The following ADAMTS17 variants were observed in gnomAD, a reference collection of about 807,000 sequenced individuals.
The protein encoded by ADAMTS17 is ADAM metallopeptidase with thrombospondin type 1 motif 17.
ADAMTS17 carries 113 observed loss-of-function variants against 141.5 expected under a neutral mutation model. The observed-to-expected ratio is 0.80, with a 90% CI of 0.69 to 0.93. ADAMTS17 has a LOEUF of 0.93. Among genes scored for constraint, ADAMTS17 ranks in the 40% least tolerant of loss-of-function variants. ADAMTS17 has a pLI of 0.00. For missense variants in ADAMTS17, 1,659 were observed against 1,517.9 expected, an observed-to-expected ratio of 1.09 and a Z score of -1.54; for synonymous variants, 768 against 630.6, an observed-to-expected ratio of 1.22 and a Z score of -3.27.
intron 3 of ADAMTS17, among the ~76,000 whole-genome samples, chr15:100,298,384 T>C (rs2044900019): frequency 1.3e-5 from 2 of 152,084 alleles, no homozygotes; most frequent in Non-Finnish European, 2.9e-5. Flanking sequence ...AAAGGACAAC[T>C]GTCGCTCTGC....
At chr15:100,254,025 C>T in intron 7 of ADAMTS17, 111 bp downstream of exon 7, 3 of 1,017,126 alleles carry the variant, frequency 2.9e-6, no homozygotes, top group South Asian at 2.7e-5. Flanking sequence ...AGGAAGGCAA[C>T]AGAATGTGCA....
intron 15 of ADAMTS17, among the ~76,000 whole-genome samples, chr15:100,087,303 C>A (rs2035171476): frequency 6.6e-6 from 1 of 152,202 alleles, no homozygotes; most frequent in South Asian, 2.1e-4. Context: ...AGTTGAATCT[C>A]TGAATAGACC....
intron 16 of ADAMTS17, among the ~76,000 whole-genome samples, chr15:100,052,716 G>A (rs1024175895): frequency 2.0e-5 from 3 of 152,210 alleles, no homozygotes; most frequent in African/African-American, 4.8e-5. Flanking sequence ...ACTGTGACTA[G>A]GGAACAATCT....
intron 2 of ADAMTS17, among the ~76,000 whole-genome samples, chr15:100,332,736 C>T (rs756842815): frequency 1.6e-4 from 25 of 152,216 alleles, no homozygotes; most frequent in Non-Finnish European, 3.2e-4. Context: ...GAAGGTTTTT[C>T]TTTACAATTC....
chr15:100,193,034 G>C (rs904550415), intron 8 of ADAMTS17, among the ~76,000 whole-genome samples: 9 of 152,248 alleles, frequency 5.9e-5, no homozygotes, highest in African/African-American at 2.2e-4. Flanking sequence ...CCTTGGCACA[G>C]CATCACATCT....
intron 7 of ADAMTS17, among the ~76,000 whole-genome samples, chr15:100,211,086 C>T (rs972611763): frequency 2.2e-5 from 3 of 138,072 alleles, no homozygotes; most frequent in South Asian, 2.3e-4. Flanking sequence ...GGTGATAGAG[C>T]GAGACTCAGT....
At position 100,007,562 on chromosome 15, in the gene ADAMTS17, A is replaced by C. The variant is rs149238130; in HGVS notation, c.2592-9973T>G. ...CAGCCTCCCTGGTTGGAAGACTCTT[A>C]AAGGGTGGAGATGACAGCGTCTTTG... On this transcript the variant is annotated intron_variant, in intron 18 of 21. Transcript: ENST00000268070. Among the ~76,000 whole-genome samples the C allele has an allele frequency of 1.6e-3, 243 of 152,084 alleles. 1 individual carries two copies. Among genetic ancestry groups the C allele is most frequent in the African/African-American group, 5.5e-3 (229 of 41,484 alleles).
chr15:100,233,515 T>G (rs2042556073), intron 7 of ADAMTS17, among the ~76,000 whole-genome samples: 1 of 152,118 alleles, frequency 6.6e-6, no homozygotes, highest in South Asian at 2.1e-4. Context: ...AAAATATGTT[T>G]AAATGTTTTG....
At chr15:100,162,976 A>T (rs28665755) in intron 8 of ADAMTS17, among the ~76,000 whole-genome samples, 6 of 140,772 alleles carry the variant, frequency 4.3e-5, no homozygotes, top group Non-Finnish European at 6.0e-5. Context: ...ATGTATATAT[A>T]TGTGTATATA....
chr15:100,164,710 C>A (rs1286779637), intron 8 of ADAMTS17, among the ~76,000 whole-genome samples: 2 of 152,082 alleles, frequency 1.3e-5, no homozygotes, highest in Non-Finnish European at 2.9e-5. Flanking sequence ...AGGAAAAGTT[C>A]CCACCCCACT....
intron 7 of ADAMTS17, among the ~76,000 whole-genome samples, chr15:100,210,300 G>A (rs374915568): frequency 1.2e-3 from 188 of 150,908 alleles, no homozygotes; most frequent in African/African-American, 4.4e-3. Flanking sequence ...ATGAGGCAGC[G>A]GCTGCTGATC....
At chr15:100,266,845 T>C (rs2043732072) in intron 4 of ADAMTS17, among the ~76,000 whole-genome samples, 1 of 152,164 alleles carries the variant, frequency 6.6e-6, no homozygotes, top group South Asian at 2.1e-4. Flanking sequence ...TGTTGAATGC[T>C]GTCTGTCGTT....
At chr15:100,083,797 G>A (rs1227186102) in intron 15 of ADAMTS17, among the ~76,000 whole-genome samples, 1 of 150,926 alleles carries the variant, frequency 6.6e-6, no homozygotes, top group Non-Finnish European at 1.5e-5. Context: ...AGTGATGCTG[G>A]CATGCCAGAG....
intron 18 of ADAMTS17, among the ~76,000 whole-genome samples, chr15:100,035,154 G>A (rs1191835891): frequency 1.3e-5 from 2 of 152,152 alleles, no homozygotes; most frequent in Non-Finnish European, 1.5e-5. Context: ...TTGAACAGAG[G>A]CCAGGCATGC....
chr15:100,242,215 C>T (rs2042848850), intron 7 of ADAMTS17, among the ~76,000 whole-genome samples: 1 of 152,206 alleles, frequency 6.6e-6, no homozygotes, highest in African/African-American at 2.4e-5. Context: ...GCTGCAATGG[C>T]TTCGGCATGA....
rs565265725 is a variant in ADAMTS17, at chr15:100,271,401, G to A, written c.790-8966C>T. Among the ~76,000 whole-genome samples the A allele has an allele frequency of 3.5e-4, 53 of 152,054 alleles. 2 individuals are homozygous for A. The South Asian group carries it at 0.01, about 29-fold the overall frequency. On this transcript the variant is annotated intron_variant, in intron 4 of 21. Coordinates refer to ENST00000268070, the MANE Select transcript of ADAMTS17 (RefSeq NM_139057.4). ...CTGTCAACACTTCTGTTTTGTTTTG[G>A]TGTTTTATTTTTTTGTTTTATAATA...
intron 15 of ADAMTS17, among the ~76,000 whole-genome samples, chr15:100,083,143 C>T (rs567567945): frequency 6.6e-5 from 10 of 152,174 alleles, no homozygotes; most frequent in African/African-American, 1.7e-4. Flanking sequence ...GTCGCTTCCC[C>T]GCAGGAGCCT....
chr15:100,320,181 AC>A (rs2045688943), intron 3 of ADAMTS17, among the ~76,000 whole-genome samples: 1 of 152,154 alleles, frequency 6.6e-6, no homozygotes, highest in African/African-American at 2.4e-5. Context: ...AGAGATGGAG[AC>A]CAAAAACGCA....
At chr15:100,081,169 G>T (rs1294568621) in intron 15 of ADAMTS17, among the ~76,000 whole-genome samples, 1 of 152,168 alleles carries the variant, frequency 6.6e-6, no homozygotes, top group African/African-American at 2.4e-5. Context: ...ACATGAAAAG[G>T]AGAGGTGGGC....
Sources: allele counts gnomAD v4.1 joint callset (sites outside exome capture counted in the v4.1 genomes callset), GRCh38; gene constraint gnomAD v4.1.1; transcripts MANE v1.5; gene names NCBI Gene and HGNC (gene_info 2026-07-23, HGNC 2026-07-21).